OVGP1: variants seen among roughly 807,000 people sequenced by gnomAD.
OVGP1 encodes oviduct-specific glycoprotein.
In OVGP1, 26 loss-of-function variants were observed where a neutral mutation model predicts 48.2. The observed-to-expected ratio is 0.54, with a 90% CI of 0.40 to 0.75. The LOEUF (loss-of-function observed/expected upper bound fraction) is 0.75. Ranked by LOEUF, OVGP1 falls within the 30% of genes least tolerant of loss-of-function variation. OVGP1 has a pLI of 0.00. For missense variants in OVGP1, 791 were observed against 820.6 expected (o/e 0.96, Z 0.44); for synonymous variants, 294 against 305.7 (o/e 0.96, Z 0.40).
rs1368383039 is a variant in OVGP1 at position 111,414,685 on chromosome 1, T to C, written c.1816A>G (p.Arg606Gly). Residue 606 changes from arginine (R) to glycine (G), a missense_variant, in exon 11 of 11, where the codon AGG becomes GGG. Coordinates refer to ENST00000369732, the MANE Select transcript of OVGP1 (RefSeq NM_002557.4). Reference protein sequence around the residue: ...NLTSEVGTHPRMGNLGLQMEA... With the variant: ...NLTSEVGTHPGMGNLGLQMEA... ...ATCTGAAGACCCAAGTTACCCATCC[T>C]GGGGTGAGTGCCCACCTCAGAAGTC... 6.2e-7 allele frequency: 1 copy of C among 1,614,194 alleles called. No homozygotes were observed. The highest frequency in any genetic ancestry group is 1.1e-5 in the South Asian group (1 of 91,080).
intron 1 of OVGP1, 157 bp from the exon 2 acceptor site, chr1:111,427,248 C>T: frequency 2.0e-6 from 2 of 985,426 alleles, no homozygotes; most frequent in Middle Eastern, 5.2e-4. Flanking sequence ...TTACTCGTTT[C>T]CTAGTTTCTA....
intron 1 of OVGP1, 40 bp from the exon 2 acceptor site, chr1:111,427,131 C>A (rs371673007): frequency 1.2e-6 from 2 of 1,613,752 alleles, no homozygotes; most frequent in South Asian, 1.1e-5. Context: ...GAGATTCATA[C>A]CCTCACCAGA....
In OVGP1 at chr1:111,415,085, C is replaced by T. The variant is rs1474752007; in HGVS notation, c.1416G>A (p.Glu472=). 1 of 1,614,184 alleles carries T rather than the reference C, an allele frequency of 6.2e-7. No homozygotes were observed. Among genetic ancestry groups the T allele is most frequent in the East Asian group, 2.2e-5 (1 of 44,888 alleles). ...KHTVALGEKT[E]ITGAMTMTSV... is the part of the protein sequence containing the mutation. Reference sequence around the variant, plus strand: ...AAGTCATGGTCATTGCCCCAGTGATCTCAGTCTTCTCTCCTAGAGCTACAG... The same window carrying T: ...AAGTCATGGTCATTGCCCCAGTGATTTCAGTCTTCTCTCCTAGAGCTACAG... The change falls in exon 11 of 11, where the codon GAG becomes GAA. Residue 472 remains glutamate (E), a synonymous_variant. Transcript: ENST00000369732.
At chr1:111,421,039 G>A (rs1387269050) in intron 8 of OVGP1, among the ~76,000 whole-genome samples, 1 of 152,140 alleles carries the variant, frequency 6.6e-6, no homozygotes, top group Non-Finnish European at 1.5e-5. Flanking sequence ...TTTTTGGGGT[G>A]CAATGAAACC....
rs577459891 is a variant in OVGP1 at position 111,419,138 on chromosome 1, C to T, written c.1020+472G>A. On this transcript the variant is annotated intron_variant, in intron 9 of 10. Transcript: ENST00000369732. ...TGCTTCACCCAAATTCTTCTTTGAA[C>T]CTGCTATAAGCTTTCTACACCACTG... is the stretch of plus-strand genomic sequence containing the variant. Among the ~76,000 whole-genome samples, 11 of 152,294 alleles carry T rather than the reference C, an allele frequency of 7.2e-5. No individual in the cohort carries two copies. In the South Asian group the frequency reaches 2.1e-3, roughly 29 times the overall value.
intron 1 of OVGP1, 64 bp from the exon 2 acceptor site, chr1:111,427,155 G>A: frequency 6.2e-7 from 1 of 1,611,372 alleles, no homozygotes; most frequent in South Asian, 1.1e-5. Context: ...GTATGGCACA[G>A]CACACCCTCT....
rs1391888855 is a variant in OVGP1 at position 111,416,341 on chromosome 1, C to T, written c.1138G>A (p.Asp380Asn). 5 of 1,595,692 alleles carry T rather than the reference C, an allele frequency of 3.1e-6. No individual in the cohort carries two copies. The Admixed American group carries it at 6.9e-5, about 22-fold the overall frequency. ...GPFPLVYVLN[D>N]ILVRAEFSST... is the part of the protein sequence containing the mutation. ...TACTTACCAGCCCGCACCAGGATAT[C>T]ATTCAATACGTAGACAAGGGGGAAA... The change falls in exon 10 of 11, where the codon GAT becomes AAT. Residue 380 changes from aspartate (D) to asparagine (N), a missense_variant. Physicochemically the swap from Asp to Asn is conservative, Grantham distance 23. Coordinates refer to ENST00000369732, the MANE Select transcript of OVGP1 (RefSeq NM_002557.4).
Position 111,423,720 on chromosome 1 carries a change from C to G in OVGP1, c.318-12G>C. 2 of 1,612,444 alleles carry G rather than the reference C, an allele frequency of 1.2e-6. No homozygotes were observed. The highest frequency in any genetic ancestry group is 8.5e-7 in the Non-Finnish European group (1 of 1,179,040). On this transcript the variant is annotated splice_polypyrimidine_tract_variant and intron_variant, in intron 4 of 10. Coordinates refer to ENST00000369732, the MANE Select transcript of OVGP1 (RefSeq NM_002557.4). ...ACATAGTGGTGAATCTGTAGGGAGA[C>G]CAGGGGTAAGGCAAAGAACTCTATC...
In OVGP1 at chr1:111,415,249, T is replaced by C. The variant is rs1438477327; in HGVS notation, c.1252A>G (p.Thr418Ala). The part of the protein sequence containing the change: ...PERLAVTTAW[T>A]TDSKILPPGG... ...GGGGGCAAAATCTTACTATCAGTGG[T>C]CCATGCCGTGGTCACAGCCAGCCTT... The change falls in exon 11 of 11, where the codon ACC becomes GCC. Residue 418 changes from threonine (T) to alanine (A), a missense_variant. Thr to Ala is a moderately conservative substitution (Grantham distance 58). Coordinates refer to ENST00000369732, the MANE Select transcript of OVGP1 (RefSeq NM_002557.4). 6.2e-7 allele frequency: 1 copy of C among 1,614,186 alleles called. No homozygotes were observed. The highest frequency in any genetic ancestry group is 8.5e-7 in the Non-Finnish European group (1 of 1,180,036).
chr1:111,416,271 A>T, intron 10 of OVGP1, 52 bp downstream of exon 10: 1 of 1,492,212 alleles, frequency 6.7e-7, no homozygotes, highest in Non-Finnish European at 9.0e-7. Context: ...GGCCTTACCC[A>T]GTGCTTGGTT....
At chr1:111,425,209 A>G (rs1276593025) in intron 4 of OVGP1, among the ~76,000 whole-genome samples, 174 bp downstream of exon 4, 8 of 152,182 alleles carry the variant, frequency 5.3e-5, no homozygotes, top group African/African-American at 1.9e-4. Flanking sequence ...CTGACCCACC[A>G]TGGAGAAGAG....
Position 111,416,478 on chromosome 1 carries a change from T to C in OVGP1, c.1021-20A>G, listed in dbSNP as rs745722321. On this transcript the variant is annotated intron_variant, in intron 9 of 10. Transcript: ENST00000369732. The stretch of plus-strand genomic sequence containing the variant: ...CCATGCCTGTAAAAGTAACAGTCAG[T>C]CAACCTGCTGTACTTGTCAGTCTCT... 1 of 1,595,930 alleles carries C rather than the reference T, an allele frequency of 6.3e-7. No homozygotes were observed. The highest frequency in any genetic ancestry group is 8.5e-7 in the Non-Finnish European group (1 of 1,170,056).
Position 111,421,276 on chromosome 1 carries a change from C to T in OVGP1, c.903G>A (p.Glu301=). ...AGACAGAGACTGATATTCCCATCAC[C>T]TCAAAATAAGCCAAGAAGCCTTCTT... ...TKQEGFLAYF[E]ICSFVWGAKK... Residue 301 remains glutamate (E), a splice_region_variant and synonymous_variant, in exon 8 of 11, where the codon GAG becomes GAA. Transcript: ENST00000369732. 6.3e-7 allele frequency: 1 copy of T among 1,599,206 alleles called. No homozygotes were observed. Among genetic ancestry groups the T allele is most frequent in the Non-Finnish European group, 8.5e-7 (1 of 1,173,408 alleles).
chr1:111,426,765 C>A (rs1304224283), intron 2 of OVGP1, 124 bp from the exon 3 acceptor site: 6 of 1,549,058 alleles, frequency 3.9e-6, no homozygotes, highest in Non-Finnish European at 5.2e-6. Flanking sequence ...CTCTCCCTGG[C>A]CCTGAAGTAC....
intron 8 of OVGP1, among the ~76,000 whole-genome samples, chr1:111,420,079 A>G (rs1652226657): frequency 1.3e-5 from 2 of 152,234 alleles, no homozygotes; most frequent in South Asian, 2.1e-4. Flanking sequence ...GTGTTTTCAT[A>G]AACAAGTCTC....
chr1:111,422,782 T>C (rs1416010563), intron 6 of OVGP1, 145 bp downstream of exon 6: 1 of 853,628 alleles, frequency 1.2e-6, no homozygotes, highest in Non-Finnish European at 1.9e-6. Context: ...CCACCCATGC[T>C]CCTCAGTCCA....
chr1:111,414,721 C>T lies in OVGP1; in HGVS notation c.1780G>A (p.Gly594Arg), dbSNP rs1430094674. Residue 594 changes from glycine to arginine, a missense_variant, in exon 11 of 11, where the codon GGG becomes AGG. By Grantham distance (125) the Gly-to-Arg change is moderately radical. Transcript: ENST00000369732. ...CCCACCTCAGAAGTCAAATTCTCCC[C>T]TCTTAAAGGCATAGTCTGCCCTTCA... ...TPEGQTMPLR[G>R]ENLTSEVGTH... 1.9e-6 allele frequency: 3 copies of T among 1,613,778 alleles called. No homozygotes were observed. The highest frequency in any genetic ancestry group is 2.5e-6 in the Non-Finnish European group (3 of 1,179,684).
At position 111,414,474 on chromosome 1, in the gene OVGP1, T is replaced by C. The variant is rs1238391486; in HGVS notation, c.2027A>G (p.Glu676Gly). 3.1e-6 allele frequency: 5 copies of C among 1,610,326 alleles called. No individual in the cohort carries two copies. In the Admixed American group the frequency reaches 8.4e-5, roughly 27 times the overall value. Residue 676 changes from glutamate (E) to glycine (G), a missense_variant, in exon 11 of 11, where the codon GAA becomes GGA. Coordinates refer to ENST00000369732, the MANE Select transcript of OVGP1 (RefSeq NM_002557.4). ...TGACACCAGAGGGGCTTAGGCTTCT[T>C]CATCCACAGCAGAGTTTTCTGGGAT... Reference protein sequence around the residue: ...KEIPENSAVDEEA With the variant: ...KEIPENSAVDGEA
chr1:111,427,683 C>T lies in OVGP1; in HGVS notation c.25+14G>A. On this transcript the variant is annotated intron_variant, in intron 1 of 10. Transcript: ENST00000369732. ...CCTGGACTGAGTGACACTGCTGGGA[C>T]CTGCCACACTCACCAACCCACAGCA... The T allele has an allele frequency of 6.2e-7, 1 of 1,612,918 alleles. No individual in the cohort carries two copies. The highest frequency in any genetic ancestry group is 8.5e-7 in the Non-Finnish European group (1 of 1,179,796).
Sources: gnomAD v4.1 joint callset for allele counts (sites outside exome capture counted in the v4.1 genomes callset) on GRCh38, gnomAD v4.1.1 for gene constraint, MANE v1.5 for transcripts, NCBI Gene and HGNC (gene_info 2026-07-23, HGNC 2026-07-21) for gene names.